Variants in ASPH observed in about 807,000 individuals in gnomAD.
ASPH encodes aspartate beta-hydroxylase.
A neutral mutation model predicts 118.4 loss-of-function variants in ASPH; 100 were observed. The observed-to-expected ratio is 0.84, with a 90% CI of 0.72 to 1.00. ASPH has a LOEUF of 1.00. ASPH is among the 50% of genes least tolerant of loss of function. The probability of loss-of-function intolerance (pLI) is 0.00; values close to 1 mark genes in which losing one functional copy is unlikely to be tolerated. For missense variants in ASPH, 920 were observed against 919.5 expected, an observed-to-expected ratio of 1.00 and a Z score of -0.01; for synonymous variants, 315 against 325.6, an observed-to-expected ratio of 0.97 and a Z score of 0.35.
At chr8:61,532,729 A>C (rs1818047828) in intron 21 of ASPH, among the ~76,000 whole-genome samples, 1 of 152,148 alleles carries the variant, frequency 6.6e-6, no homozygotes, top group African/African-American at 2.4e-5. Context: ...TAGAAGCTTT[A>C]TAGGAGTCAG....
At chr8:61,518,198 G>C in intron 22 of ASPH, 75 bp from the exon 23 acceptor site, 3 of 1,290,020 alleles carry the variant, frequency 2.3e-6, no homozygotes, top group Non-Finnish European at 3.3e-6. Flanking sequence ...TGAGGTGAGA[G>C]CTATATGTCA....
At position 61,520,669 on chromosome 8, in the gene ASPH, G is replaced by A. The variant is rs142747436; in HGVS notation, c.1901-2546C>T. ...CACCGTAAAGTGTTTTTGAGCCTGG[G>A]CTTTCCAAGTCTTCTGGTATGCAGG... is the stretch of plus-strand genomic sequence containing the variant. On this transcript the variant is annotated intron_variant, in intron 22 of 24. Transcript: ENST00000379454. Among the ~76,000 whole-genome samples the A allele has an allele frequency of 6.0e-3, 913 of 152,278 alleles. 6 individuals are homozygous for A. Among genetic ancestry groups the A allele is most frequent in the African/African-American group, 0.02 (848 of 41,546 alleles).
At chr8:61,546,517 T>C (rs1164483689) in intron 21 of ASPH, among the ~76,000 whole-genome samples, 1 of 152,170 alleles carries the variant, frequency 6.6e-6, no homozygotes, top group Non-Finnish European at 1.5e-5. Flanking sequence ...TCAAGGAAGA[T>C]GTTGTTCTTG....
At chr8:61,702,280 CTT>C (rs71257379) in intron 1 of ASPH, among the ~76,000 whole-genome samples, 209 of 123,364 alleles carry the variant, frequency 1.7e-3, no homozygotes, top group African/African-American at 5.9e-3. Context: ...ATAGCTACTT[CTT>C]TTTTTTTTTT....
At chr8:61,590,746 A>G (rs1840870347) in intron 14 of ASPH, among the ~76,000 whole-genome samples, 1 of 152,080 alleles carries the variant, frequency 6.6e-6, no homozygotes, top group Non-Finnish European at 1.5e-5. Flanking sequence ...TTTCCTTTAT[A>G]TAGACTCTCG....
chr8:61,644,021 T>C lies in ASPH; in HGVS notation c.653-20A>G. On this transcript the variant is annotated intron_variant, in intron 7 of 24. Transcript: ENST00000379454. ...GTGAAACTATAAATTATGGAATAAT[T>C]AGGAAATTACGTCTCAAATAAGGAA... The C allele has an allele frequency of 6.4e-7, 1 of 1,571,124 alleles. No homozygotes were observed. Among genetic ancestry groups the C allele is most frequent in the South Asian group, 1.1e-5 (1 of 89,134 alleles).
intron 15 of ASPH, chr8:61,579,307 C>T: frequency 3.7e-6 from 6 of 1,614,184 alleles, no homozygotes; most frequent in Non-Finnish European, 5.1e-6. Context: ...CTGCAGCGGG[C>T]CAAGCAGGAC....
chr8:61,649,655 C>T (rs924590205), intron 5 of ASPH, among the ~76,000 whole-genome samples: 3 of 151,578 alleles, frequency 2.0e-5, no homozygotes, highest in Non-Finnish European at 2.9e-5. Context: ...TGCCTGCCCA[C>T]CCCCCACCAC....
intron 14 of ASPH, chr8:61,606,498 C>T (rs1039460237): frequency 3.3e-5 from 5 of 152,152 alleles, no homozygotes; most frequent in Admixed American, 6.6e-5. Context: ...TTAAAGTGTG[C>T]TTCACACAAC....
intron 3 of ASPH, among the ~76,000 whole-genome samples, chr8:61,676,991 T>C (rs1825730825): frequency 6.6e-6 from 1 of 152,148 alleles, no homozygotes; most frequent in African/African-American, 2.4e-5. Flanking sequence ...GGTAGCTCTA[T>C]AAAACTCTGG....
At chr8:61,698,402 C>T (rs1765945847) in intron 1 of ASPH, among the ~76,000 whole-genome samples, 2 of 152,240 alleles carry the variant, frequency 1.3e-5, no homozygotes, top group African/African-American at 4.8e-5. Flanking sequence ...TTAGGCTGAA[C>T]TTGAAATAGG....
At chr8:61,565,818 T>C (rs559532058) in intron 17 of ASPH, among the ~76,000 whole-genome samples, 2 of 152,232 alleles carry the variant, frequency 1.3e-5, no homozygotes, top group Non-Finnish European at 2.9e-5. Context: ...TAGGAGCTAA[T>C]GCAGCTGGAG....
In ASPH at chr8:61,503,430, G is replaced by T. The variant is rs759451621; in HGVS notation, c.2206C>A (p.Leu736Met). 16 of 1,613,126 alleles carry T rather than the reference G, an allele frequency of 9.9e-6. No homozygotes were observed. Among genetic ancestry groups the T allele is most frequent in the Non-Finnish European group, 1.3e-5 (15 of 1,179,724 alleles). The change falls in exon 25 of 25, where the codon CTG becomes ATG. Residue 736 changes from leucine to methionine, a missense_variant. Physicochemically the swap from Leu to Met is conservative, Grantham distance 15. Coordinates refer to ENST00000379454, the MANE Select transcript of ASPH (RefSeq NM_004318.4). The part of the protein sequence containing the change: ...EVWQDASSFR[L>M]IFIVDVWHPE... ...TGCCACACATCCACGATGAATATCAGCCGGAAAGATGAGGCATCCTGCCAT... is the reference window on the plus strand; with the variant it reads ...TGCCACACATCCACGATGAATATCATCCGGAAAGATGAGGCATCCTGCCAT...
intron 14 of ASPH, among the ~76,000 whole-genome samples, chr8:61,600,329 G>A (rs1476258517): frequency 6.8e-6 from 1 of 147,564 alleles, no homozygotes; most frequent in Non-Finnish European, 1.5e-5. Context: ...TAAGAAAAAG[G>A]TGTTTACTTT....
intron 21 of ASPH, among the ~76,000 whole-genome samples, chr8:61,536,037 C>CTTTTTT (rs34022613): frequency 1.6e-5 from 2 of 128,436 alleles, no homozygotes; most frequent in Non-Finnish European, 3.2e-5. Flanking sequence ...AAACAGGTGA[C>CTTTTTT]TTTTTTTTTT....
chr8:61,612,626 C>T (rs1428043004), intron 14 of ASPH, among the ~76,000 whole-genome samples: 1 of 152,112 alleles, frequency 6.6e-6, no homozygotes, highest in Admixed American at 6.5e-5. Flanking sequence ...CCCACCTCGG[C>T]CTCCCAAATT....
At chr8:61,701,192 A>T (rs1446519078) in intron 1 of ASPH, among the ~76,000 whole-genome samples, 2 of 152,248 alleles carry the variant, frequency 1.3e-5, no homozygotes, top group Non-Finnish European at 2.9e-5. Flanking sequence ...TGAAGATGTG[A>T]AATAGCTGGC....
intron 3 of ASPH, chr8:61,660,856 T>C (rs922642648): frequency 1.3e-5 from 2 of 152,128 alleles, no homozygotes; most frequent in Admixed American, 1.3e-4. Flanking sequence ...ATTAAATCAA[T>C]TTTTGTGGAC....
chr8:61,586,767 C>T (rs1587704080), intron 14 of ASPH, among the ~76,000 whole-genome samples: 1 of 152,220 alleles, frequency 6.6e-6, no homozygotes, highest in African/African-American at 2.4e-5. Flanking sequence ...CTCCAAAATA[C>T]TTAGTCTCCT....
Sources: gnomAD v4.1 joint callset for allele counts (sites outside exome capture counted in the v4.1 genomes callset) on GRCh38, gnomAD v4.1.1 for gene constraint, MANE v1.5 for transcripts, NCBI Gene and HGNC (gene_info 2026-07-23, HGNC 2026-07-21) for gene names.